Variants in ATAD2 observed in about 807,000 individuals in gnomAD.
ATAD2 encodes the protein ATPase family AAA domain containing 2, also known as ATPase family AAA domain-containing protein 2.
Under a neutral mutation model 168.9 loss-of-function variants are expected in ATAD2, and 62 were observed. The ratio of observed to expected loss-of-function variants is 0.37; its 90% confidence interval spans 0.30 to 0.45. ATAD2 has a LOEUF of 0.45. Among genes scored for constraint, ATAD2 ranks in the 20% least tolerant of loss-of-function variants. The pLI is 1.00. For synonymous variants in ATAD2, 613 were observed against 571.6 expected (o/e 1.07, Z -1.03); for missense variants, 1,419 against 1,667.8 (o/e 0.85, Z 2.60).
intron 9 of ATAD2, among the ~76,000 whole-genome samples, chr8:123,360,264 A>G (rs1232156771): frequency 6.6e-6 from 1 of 152,234 alleles, no homozygotes; most frequent in South Asian, 2.1e-4. Flanking sequence ...CAGAAAAAAT[A>G]TTCGCAGTCT....
chr8:123,410,808 C>G (rs1049332528), intron 1 of ATAD2, among the ~76,000 whole-genome samples: 2 of 152,254 alleles, frequency 1.3e-5, no homozygotes, highest in Admixed American at 6.5e-5. Context: ...CCACTGACTT[C>G]TATCCCTCCA....
Position 123,396,424 on chromosome 8 carries a change from T to C in ATAD2, c.-67A>G, listed in dbSNP as rs1429900360. 5.6e-6 allele frequency: 8 copies of C among 1,421,388 alleles called. No homozygotes were observed. Among genetic ancestry groups the C allele is most frequent in the African/African-American group, 1.5e-5 (1 of 67,028 alleles). The allele number at this position is 1,421,388 out of a possible 1,614,324, so 88.0% of individuals were successfully genotyped here. A position where few individuals can be genotyped will look rare whatever the true frequency, so the allele number is the denominator to read the frequency against. ...ATCCAGCTCCAGGCGCTCGCAGCTC[T>C]GGCTCTTCCGCGCTCCGAATTCTGG... On this transcript the variant is annotated 5_prime_UTR_variant, in exon 1 of 28. Transcript: ENST00000287394.
intron 13 of ATAD2, 105 bp from the exon 14 acceptor site, chr8:123,349,549 A>C: frequency 1.8e-6 from 2 of 1,110,504 alleles, no homozygotes; most frequent in South Asian, 1.6e-5. Flanking sequence ...CATGTGAATA[A>C]ATTTTCTCAG....
chr8:123,388,788 G>A (rs1327176962), intron 1 of ATAD2, among the ~76,000 whole-genome samples: 1 of 152,044 alleles, frequency 6.6e-6, no homozygotes, highest in Non-Finnish European at 1.5e-5. Flanking sequence ...TCTCACCTTG[G>A]CCTCCCAAAG....
intron 26 of ATAD2, among the ~76,000 whole-genome samples, chr8:123,324,649 T>C (rs943915809): frequency 2.6e-5 from 4 of 152,152 alleles, no homozygotes; most frequent in Admixed American, 6.6e-5. Context: ...ACAAAAGTAA[T>C]TGAAGGCAAG....
chr8:123,374,610 CT>C (rs1466095094), intron 2 of ATAD2, among the ~76,000 whole-genome samples: 2 of 152,278 alleles, frequency 1.3e-5, no homozygotes, highest in East Asian at 3.9e-4. Context: ...TAAACTTTTC[CT>C]TCAATTGCTA....
At chr8:123,376,562 TAC>T (rs529588632) in intron 2 of ATAD2, among the ~76,000 whole-genome samples, 4 of 150,058 alleles carry the variant, frequency 2.7e-5, no homozygotes, top group South Asian at 2.1e-4. Flanking sequence ...TCAAAAAAAA[TAC>T]ACACACACAC....
intron 1 of ATAD2, among the ~76,000 whole-genome samples, chr8:123,406,000 A>G (rs1806633255): frequency 6.6e-6 from 1 of 152,250 alleles, no homozygotes; most frequent in Non-Finnish European, 1.5e-5. Flanking sequence ...AGCCTGAATA[A>G]TTCCTTTTAT....
At chr8:123,401,459 C>T in intron 1 of ATAD2, 1 of 1,504,414 alleles carries the variant, frequency 6.6e-7, no homozygotes, top group Non-Finnish European at 9.2e-7. Context: ...AGTACTCCCA[C>T]CTCCAGGTGA....
intron 1 of ATAD2, among the ~76,000 whole-genome samples, chr8:123,405,281 A>G (rs1813054405): frequency 7.2e-6 from 1 of 138,482 alleles, no homozygotes; most frequent in Non-Finnish European, 1.5e-5. Flanking sequence ...TTTGAGACGC[A>G]GTTTTGCTCT....
intron 13 of ATAD2, among the ~76,000 whole-genome samples, chr8:123,351,905 G>A (rs1828477227): frequency 6.6e-6 from 1 of 152,058 alleles, no homozygotes; most frequent in South Asian, 2.1e-4. Flanking sequence ...CTGCCACCAT[G>A]CCTGGCTAAT....
intron 1 of ATAD2, among the ~76,000 whole-genome samples, chr8:123,384,966 T>A (rs1438068417): frequency 6.6e-6 from 1 of 152,226 alleles, no homozygotes; most frequent in Admixed American, 6.5e-5. Context: ...TCATGTCCCA[T>A]TCAAGTGTTG....
At chr8:123,326,160 T>C in intron 25 of ATAD2, 134 bp from the exon 26 acceptor site, 2 of 925,314 alleles carry the variant, frequency 2.2e-6, no homozygotes, top group Middle Eastern at 3.1e-4. Context: ...TATTAACTCA[T>C]TCTGTTATAA....
At chr8:123,376,832 C>T (rs2129808783) in intron 2 of ATAD2, among the ~76,000 whole-genome samples, 1 of 151,914 alleles carries the variant, frequency 6.6e-6, no homozygotes, top group East Asian at 1.9e-4. Context: ...GTGGCTCACG[C>T]CTGTAATCCC....
intron 2 of ATAD2, among the ~76,000 whole-genome samples, chr8:123,375,523 A>G (rs1342042625): frequency 1.3e-5 from 2 of 152,204 alleles, no homozygotes; most frequent in Non-Finnish European, 2.9e-5. Context: ...GTGTATACCC[A>G]AAAGAACTAA....
chr8:123,390,872 G>T (rs369061770), intron 1 of ATAD2, among the ~76,000 whole-genome samples: 7 of 152,128 alleles, frequency 4.6e-5, no homozygotes, highest in South Asian at 4.1e-4. Flanking sequence ...AGCTGGGCAT[G>T]GTGGCAGGCG....
At chr8:123,333,823 C>T in intron 24 of ATAD2, 55 bp downstream of exon 24, 2 of 1,502,756 alleles carry the variant, frequency 1.3e-6, no homozygotes, top group Admixed American at 2.1e-5. Context: ...AAGTTAATGG[C>T]ATTAGAAAAG....
At chr8:123,359,770 G>T in intron 9 of ATAD2, 85 bp from the exon 10 acceptor site, 2 of 892,890 alleles carry the variant, frequency 2.2e-6, no homozygotes, top group Non-Finnish European at 3.4e-6. Context: ...AAACATTTAA[G>T]TTAAAAAAAA....
At chr8:123,374,689 T>A (rs1347620063) in intron 2 of ATAD2, among the ~76,000 whole-genome samples, 1 of 152,006 alleles carries the variant, frequency 6.6e-6, no homozygotes, top group Non-Finnish European at 1.5e-5. Context: ...CATTATAGGG[T>A]GAAAGGAGCC....
Sources: allele counts gnomAD v4.1 joint callset (sites outside exome capture counted in the v4.1 genomes callset), GRCh38; gene constraint gnomAD v4.1.1; transcripts MANE v1.5; gene names NCBI Gene and HGNC (gene_info 2026-07-23, HGNC 2026-07-21).